Variants in EPHB1 observed in about 807,000 individuals in gnomAD.
EPHB1 encodes the protein ephrin type-B receptor 1.
In EPHB1, 30 loss-of-function variants were observed where a neutral mutation model predicts 94.4. The ratio of observed to expected loss-of-function variants is 0.32; its 90% CI spans 0.24 to 0.43. EPHB1 has a LOEUF of 0.43. Ranked by LOEUF, EPHB1 falls within the 20% of genes least tolerant of loss-of-function variation. The pLI is 1.00. For missense variants in EPHB1, 1,055 were observed against 1,308.3 expected (o/e 0.81, Z 2.99); for synonymous variants, 522 against 489.1 (o/e 1.07, Z -0.89).
intron 3 of EPHB1, among the ~76,000 whole-genome samples, chr3:135,052,541 G>T (rs1937198590): frequency 6.6e-6 from 1 of 151,938 alleles, no homozygotes. Flanking sequence ...CCAAGGATCA[G>T]CTTTCTTTCT....
At chr3:134,873,664 AG>A (rs1278536951) in intron 1 of EPHB1, among the ~76,000 whole-genome samples, 1 of 152,170 alleles carries the variant, frequency 6.6e-6, no homozygotes, top group Non-Finnish European at 1.5e-5. Context: ...CTAGAGAAGC[AG>A]GGTTTGCACG....
intron 3 of EPHB1, among the ~76,000 whole-genome samples, chr3:135,069,124 A>G (rs1937627594): frequency 6.6e-6 from 1 of 151,276 alleles, no homozygotes; most frequent in African/African-American, 2.4e-5. Context: ...AAGAAGCCGC[A>G]TTACCTGATC....
intron 10 of EPHB1, among the ~76,000 whole-genome samples, chr3:135,182,157 C>T (rs568582186): frequency 6.6e-6 from 1 of 152,286 alleles, no homozygotes; most frequent in South Asian, 2.1e-4. Flanking sequence ...TCTCATTTCC[C>T]TCATACCCTG....
At chr3:134,960,520 G>C (rs1281537461) in intron 3 of EPHB1, among the ~76,000 whole-genome samples, 1 of 152,148 alleles carries the variant, frequency 6.6e-6, no homozygotes, top group East Asian at 1.9e-4. Flanking sequence ...GTATGGCTGG[G>C]TATGTTTTGG....
chr3:134,867,591 A>G (rs1048805039), intron 1 of EPHB1, among the ~76,000 whole-genome samples: 3 of 152,234 alleles, frequency 2.0e-5, no homozygotes, highest in African/African-American at 7.2e-5. Flanking sequence ...CAGCAGTAGA[A>G]TGGCTATTAG....
intron 1 of EPHB1, among the ~76,000 whole-genome samples, chr3:134,905,375 G>A (rs145427562): frequency 3.3e-5 from 5 of 152,300 alleles, no homozygotes; most frequent in South Asian, 2.1e-4. Context: ...GCCACTCCCC[G>A]CCACACCTTC....
intron 8 of EPHB1, 99 bp from the exon 9 acceptor site, chr3:135,166,843 C>A: frequency 7.9e-7 from 1 of 1,264,066 alleles, no homozygotes; most frequent in Non-Finnish European, 1.1e-6. Context: ...GGAGATGCCC[C>A]GGGTGAGCCC....
intron 3 of EPHB1, among the ~76,000 whole-genome samples, chr3:134,995,996 A>T (rs2107740254): frequency 6.6e-6 from 1 of 152,096 alleles, no homozygotes; most frequent in South Asian, 2.1e-4. Context: ...ACTTTTTTTT[A>T]CAATATATCA....
chr3:134,876,970 G>A (rs575784082), intron 1 of EPHB1, among the ~76,000 whole-genome samples: 16 of 152,270 alleles, frequency 1.1e-4, no homozygotes, highest in South Asian at 6.2e-4. Flanking sequence ...ATGCACATGT[G>A]TTACATTGAG....
chr3:134,833,215 A>G (rs558370356), intron 1 of EPHB1, among the ~76,000 whole-genome samples: 19 of 152,318 alleles, frequency 1.2e-4, no homozygotes, highest in African/African-American at 4.6e-4. Flanking sequence ...ACTTAGGGAC[A>G]AATCCACCTA....
intron 2 of EPHB1, among the ~76,000 whole-genome samples, chr3:134,931,864 C>A (rs940518024): frequency 2.0e-5 from 3 of 151,360 alleles, no homozygotes; most frequent in Non-Finnish European, 4.4e-5. Context: ...TATATATGTG[C>A]TATGTGTCTG....
chr3:135,078,958 T>C (rs1369726047), intron 3 of EPHB1, among the ~76,000 whole-genome samples: 6 of 152,120 alleles, frequency 3.9e-5, no homozygotes, highest in South Asian at 2.1e-4. Flanking sequence ...TGGGAGGTCA[T>C]TGGGATAAGA....
At chr3:135,182,771 T>C (rs1301624038) in intron 10 of EPHB1, among the ~76,000 whole-genome samples, 3 of 152,198 alleles carry the variant, frequency 2.0e-5, no homozygotes, top group African/African-American at 7.2e-5. Flanking sequence ...AACATGACCT[T>C]CCAGCAGTGG....
At chr3:135,229,725 G>C (rs1943488372) in intron 12 of EPHB1, among the ~76,000 whole-genome samples, 1 of 152,160 alleles carries the variant, frequency 6.6e-6, no homozygotes, top group African/African-American at 2.4e-5. Flanking sequence ...CTTCTCCAGA[G>C]ACAGAGCATC....
intron 3 of EPHB1, among the ~76,000 whole-genome samples, chr3:135,044,924 C>T (rs6793764): frequency 0.13 from 19,193 of 151,922 alleles, 1,581 homozygotes; most frequent in African/African-American, 0.22. Flanking sequence ...TTGTTTGAGG[C>T]TTTTAATGTT....
At chr3:135,124,952 A>G (rs1940139329) in intron 4 of EPHB1, among the ~76,000 whole-genome samples, 1 of 151,604 alleles carries the variant, frequency 6.6e-6, no homozygotes, top group Non-Finnish European at 1.5e-5. Context: ...GACCCTCAGC[A>G]CAATTCCCTC....
chr3:135,003,726 T>C (rs1180374081), intron 3 of EPHB1, among the ~76,000 whole-genome samples: 7 of 152,074 alleles, frequency 4.6e-5, no homozygotes, highest in Admixed American at 4.6e-4. Flanking sequence ...GCCTTCTTTG[T>C]CTCTTTTGAT....
intron 9 of EPHB1, among the ~76,000 whole-genome samples, chr3:135,178,063 A>G (rs1359266076): frequency 1.3e-5 from 2 of 152,186 alleles, no homozygotes; most frequent in South Asian, 2.1e-4. Context: ...GACTTCTAGA[A>G]TGGTGTGAAC....
chr3:135,029,571 T>C (rs1300913870), intron 3 of EPHB1, among the ~76,000 whole-genome samples: 5 of 149,918 alleles, frequency 3.3e-5, no homozygotes, highest in Non-Finnish European at 3.0e-5. Context: ...TTCTGGCTTG[T>C]AGGGTTTCTG....
Sources: gnomAD v4.1 joint callset for allele counts (sites outside exome capture counted in the v4.1 genomes callset) on GRCh38, gnomAD v4.1.1 for gene constraint, MANE v1.5 for transcripts, NCBI Gene and HGNC (gene_info 2026-07-23, HGNC 2026-07-21) for gene names.